TACR1: variants seen among roughly 807,000 people sequenced by gnomAD.
TACR1 encodes tachykinin receptor 1, also known as substance-P receptor.
TACR1 carries 25 observed loss-of-function variants against 35.8 expected under a neutral mutation model. That is an observed-to-expected ratio of 0.70 (90% CI 0.51 to 0.98). The LOEUF is 0.98. Among genes scored for constraint, TACR1 ranks in the 50% least tolerant of loss-of-function variants. TACR1 has a pLI of 0.00. For synonymous variants in TACR1, 195 were observed against 206.7 expected (o/e 0.94, Z 0.48); for missense variants, 478 against 522.9 (o/e 0.91, Z 0.84).
At chr2:75,155,083 C>A (rs193176826) in intron 1 of TACR1, among the ~76,000 whole-genome samples, 1 of 152,272 alleles carries the variant, frequency 6.6e-6, no homozygotes, top group Admixed American at 6.5e-5. Context: ...AAGGCTGTTA[C>A]ACTTTGACCT....
intron 1 of TACR1, among the ~76,000 whole-genome samples, chr2:75,133,524 G>A (rs571427764): frequency 9.7e-4 from 147 of 152,172 alleles, no homozygotes; most frequent in Non-Finnish European, 1.6e-3. Flanking sequence ...CTAATGTTAT[G>A]ACCTCCAGTT....
At chr2:75,170,781 G>T (rs59770488) in intron 1 of TACR1, among the ~76,000 whole-genome samples, 11,747 of 152,190 alleles carry the variant, frequency 0.077, 696 homozygotes, top group African/African-American at 0.16. Flanking sequence ...CTAGAGATTT[G>T]TGGAACTTTG....
At chr2:75,055,846 T>G (rs1672558910) in intron 2 of TACR1, among the ~76,000 whole-genome samples, 1 of 152,076 alleles carries the variant, frequency 6.6e-6, no homozygotes, top group South Asian at 2.1e-4. Flanking sequence ...AGGGCTGGGG[T>G]GGGCCTGAGA....
chr2:75,062,123 T>C (rs1393203902), intron 2 of TACR1, among the ~76,000 whole-genome samples: 1 of 152,126 alleles, frequency 6.6e-6, no homozygotes, highest in Non-Finnish European at 1.5e-5. Context: ...AGAAGCCCTG[T>C]TGACAGCGTC....
chr2:75,160,702 A>G (rs565205526), intron 1 of TACR1, among the ~76,000 whole-genome samples: 2 of 149,378 alleles, frequency 1.3e-5, no homozygotes, highest in African/African-American at 4.9e-5. Context: ...AAGATAAAAA[A>G]TAATGGGGAA....
intron 1 of TACR1, among the ~76,000 whole-genome samples, chr2:75,150,630 G>T (rs1391508832): frequency 6.6e-6 from 1 of 152,110 alleles, no homozygotes. Context: ...TCCCAGTCTT[G>T]GGTATGTTTT....
At chr2:75,179,918 A>C (rs974019754) in intron 1 of TACR1, among the ~76,000 whole-genome samples, 2 of 152,196 alleles carry the variant, frequency 1.3e-5, no homozygotes, top group Non-Finnish European at 2.9e-5. Flanking sequence ...TTACTCCAGC[A>C]TATCATAGCC....
intron 1 of TACR1, among the ~76,000 whole-genome samples, chr2:75,182,843 A>G (rs1384514427): frequency 2.6e-5 from 4 of 152,230 alleles, no homozygotes; most frequent in Non-Finnish European, 5.9e-5. Context: ...CGCATTTCTC[A>G]GAATGTATCC....
chr2:75,191,191 T>G (rs1448054304), intron 1 of TACR1, among the ~76,000 whole-genome samples: 2 of 152,192 alleles, frequency 1.3e-5, no homozygotes, highest in Non-Finnish European at 2.9e-5. Flanking sequence ...CAGTCTCACA[T>G]ACGTGGGACT....
chr2:75,068,688 T>A (rs1185381746), intron 2 of TACR1, among the ~76,000 whole-genome samples: 1 of 152,172 alleles, frequency 6.6e-6, no homozygotes. Flanking sequence ...GGTACAAACA[T>A]TGCAGAGTGC....
intron 2 of TACR1, among the ~76,000 whole-genome samples, chr2:75,061,692 C>T (rs981230657): frequency 6.6e-6 from 1 of 152,118 alleles, no homozygotes; most frequent in African/African-American, 2.4e-5. Flanking sequence ...ATGGGGTGAC[C>T]AATCAAGGTG....
At chr2:75,129,483 A>G (rs1202301820) in intron 1 of TACR1, among the ~76,000 whole-genome samples, 1 of 152,306 alleles carries the variant, frequency 6.6e-6, no homozygotes. Context: ...CGTTGAATGG[A>G]TTTTGAATGT....
At chr2:75,122,484 T>C (rs2103913130) in intron 1 of TACR1, among the ~76,000 whole-genome samples, 1 of 152,354 alleles carries the variant, frequency 6.6e-6, no homozygotes, top group East Asian at 1.9e-4. Context: ...GTATAGAGTA[T>C]GTCTACTAGG....
chr2:75,152,815 G>A (rs764112186), intron 1 of TACR1, among the ~76,000 whole-genome samples: 5 of 152,206 alleles, frequency 3.3e-5, no homozygotes, highest in Non-Finnish European at 7.3e-5. Context: ...TAGGAGAATA[G>A]ACTGTACACC....
At chr2:75,196,862 C>A (rs892630390) in intron 1 of TACR1, among the ~76,000 whole-genome samples, 7 of 152,176 alleles carry the variant, frequency 4.6e-5, no homozygotes, top group African/African-American at 1.7e-4. Context: ...AAAAAACTTG[C>A]CCTCTAATTT....
chr2:75,067,585 G>A (rs1016280297), intron 2 of TACR1, among the ~76,000 whole-genome samples: 3 of 152,198 alleles, frequency 2.0e-5, no homozygotes, highest in Non-Finnish European at 2.9e-5. Context: ...ATGTTGCTAA[G>A]TGAATAGAGG....
intron 1 of TACR1, among the ~76,000 whole-genome samples, chr2:75,130,027 C>T (rs1674147500): frequency 6.6e-6 from 1 of 152,268 alleles, no homozygotes; most frequent in African/African-American, 2.4e-5. Flanking sequence ...ACTCACAGTG[C>T]AAGTGAAGAA....
Position 75,154,488 on chromosome 2 carries a change from CCACACA to C in TACR1, c.390-33726_390-33721del, listed in dbSNP as rs71245356. 6.7e-4 allele frequency: 36 copies of C among 53,606 alleles called. 2 individuals carry two copies. The highest frequency in any genetic ancestry group is 1.8e-3 in the South Asian group (3 of 1,694). 3.3% of individuals were successfully genotyped at this position (53,606 alleles called of 1,614,324 possible). ...CCAGTGGAGATTCAGCACTAACCCA[CCACACA>C]CACACACACACACACACACACACAC... On this transcript the variant is annotated intron_variant, in intron 1 of 4. Coordinates refer to ENST00000305249, the MANE Select transcript of TACR1 (RefSeq NM_001058.4).
chr2:75,180,971 G>A (rs993420987), intron 1 of TACR1, among the ~76,000 whole-genome samples: 1 of 152,152 alleles, frequency 6.6e-6, no homozygotes, highest in Admixed American at 6.5e-5. Context: ...CCATGTTCCT[G>A]ATTTAACCAT....
Sources: gnomAD v4.1 joint callset for allele counts (sites outside exome capture counted in the v4.1 genomes callset) on GRCh38, gnomAD v4.1.1 for gene constraint, MANE v1.5 for transcripts, NCBI Gene and HGNC (gene_info 2026-07-23, HGNC 2026-07-21) for gene names.